The following DLX6 variants were observed in gnomAD, a reference collection of about 807,000 sequenced individuals.
DLX6 encodes distal-less homeobox 6.
Under a neutral mutation model 33.5 loss-of-function variants are expected in DLX6, and 4 were observed. The observed-to-expected ratio is 0.12, with a 90% CI of 0.06 to 0.27. The LOEUF (loss-of-function observed/expected upper bound fraction) is 0.27, where lower values mean the gene tolerates loss of function less well. DLX6 is among the 10% of genes least tolerant of loss of function. DLX6 has a pLI of 1.00. For synonymous variants in DLX6, 184 were observed against 164.8 expected, an observed-to-expected ratio of 1.12 and a Z score of -0.89; for missense variants, 382 against 393.3, an observed-to-expected ratio of 0.97 and a Z score of 0.24.
chr7:97,005,627 C>A lies in DLX6; in HGVS notation c.-351C>A, dbSNP rs569684031. ...CGCAGAATCCACCTTAAAATCTCTGCCTTAAACTGCACCAGCCCCCAAAAA... is the reference window on the plus strand; with the variant it reads ...CGCAGAATCCACCTTAAAATCTCTGACTTAAACTGCACCAGCCCCCAAAAA... On this transcript the variant is annotated 5_prime_UTR_variant, in exon 1 of 3. Transcript: ENST00000518156. 6.3e-6 allele frequency: 1 copy of A among 158,632 alleles called. No homozygotes were observed. Among genetic ancestry groups the A allele is most frequent in the African/African-American group, 2.4e-5 (1 of 41,722 alleles). 9.8% of individuals were successfully genotyped at this position (158,632 alleles called of 1,614,324 possible).
In DLX6 at chr7:97,009,900, G is replaced by T; in HGVS notation, c.735G>T (p.Ser245=). 1 of 1,613,946 alleles carries T rather than the reference G, an allele frequency of 6.2e-7. No individual in the cohort carries two copies. The highest frequency in any genetic ancestry group is 8.5e-7 in the Non-Finnish European group (1 of 1,179,872). The change falls in exon 3 of 3, where the codon TCG becomes TCT. Residue 245 remains serine, a synonymous_variant. Coordinates refer to ENST00000518156, the MANE Select transcript of DLX6 (RefSeq NM_005222.4). ...SDPLQGSAAL[S]PRSPALPPVW... ...CCCTCCAGGGCTCGGCGGCCCTGTC[G>T]CCACGCTCGCCAGCGCTGCCTCCAG...
chr7:97,009,698 G>T (rs1584157551), intron 2 of DLX6, 98 bp from the exon 3 acceptor site: 2 of 1,520,412 alleles, frequency 1.3e-6, no homozygotes, highest in African/African-American at 2.8e-5. Context: ...TTTGTTTTTT[G>T]TTTTTTTGCT....
Position 97,009,876 on chromosome 7 carries a change from C to T in DLX6, c.711C>T (p.Pro237=). ...KQGSNPHESD[P]LQGSAALSPR... ...GCAGTAATCCTCATGAGAGCGACCC[C>T]CTCCAGGGCTCGGCGGCCCTGTCGC... The change falls in exon 3 of 3, where the codon CCC becomes CCT. Residue 237 remains proline (P), a synonymous_variant. Transcript: ENST00000518156. The T allele has an allele frequency of 6.2e-7, 1 of 1,613,962 alleles. No homozygotes were observed. Among genetic ancestry groups the T allele is most frequent in the Non-Finnish European group, 8.5e-7 (1 of 1,179,886 alleles).
rs1724941016 is a variant in DLX6 at position 97,010,650 on chromosome 7, G to T, written c.*603G>T. The T allele has an allele frequency of 6.6e-6, 1 of 152,448 alleles. No individual in the cohort carries two copies. The allele number at this position is 152,448 out of a possible 1,614,324, so 9.4% of individuals were successfully genotyped here. ...ACCATTCCCAGACTGACGAGAAAAA[G>T]AAAATTCCTCACATAACAGCCCTTC... On this transcript the variant is annotated 3_prime_UTR_variant, in exon 3 of 3. Transcript: ENST00000518156.
chr7:97,006,070 G>GCAGCAA lies in DLX6; in HGVS notation c.99_104dup (p.Gln43_Gln44dup), dbSNP rs779566808. The GCAGCAA allele has an allele frequency of 1.6e-5, 25 of 1,570,308 alleles. No individual in the cohort carries two copies. The highest frequency in any genetic ancestry group is 8.2e-5 in the African/African-American group (6 of 73,524). ...AGTTCGGGCAGCAGCAGCAGCAGCA[G>GCAGCAA]CAGCAACAGCAGCAGCAGCAGCAGC... is the stretch of plus-strand genomic sequence containing the variant. On this transcript the variant is annotated inframe_insertion, in exon 1 of 3. Coordinates refer to ENST00000518156, the MANE Select transcript of DLX6 (RefSeq NM_005222.4).
chr7:97,009,961 A>G lies in DLX6; in HGVS notation c.796A>G (p.Met266Val). The change falls in exon 3 of 3, where the codon ATG (methionine) becomes GTG (valine). Residue 266 changes from methionine (M) to valine (V), a missense_variant. Physicochemically the swap from Met to Val is conservative, Grantham distance 21. Transcript: ENST00000518156. ...TTCTGCCTCGGCCAAGGGTGTCAGT[A>G]TGCCCCCCAACAGCTACATGCCTGG... ...DVSASAKGVS[M>V]PPNSYMPGYS... 3 of 1,613,660 alleles carry G rather than the reference A, an allele frequency of 1.9e-6. No homozygotes were observed. The highest frequency in any genetic ancestry group is 2.2e-5 in the East Asian group (1 of 44,856).
chr7:97,007,300 G>A, intron 1 of DLX6: 3 of 580,086 alleles, frequency 5.2e-6, no homozygotes, highest in Non-Finnish European at 9.2e-6. Flanking sequence ...CAGGGGCCCC[G>A]CTCCGCCCGG....
At chr7:97,007,543 G>C in intron 1 of DLX6, 95 bp from the exon 2 acceptor site, 1 of 1,195,360 alleles carries the variant, frequency 8.4e-7, no homozygotes, top group Non-Finnish European at 1.2e-6. Context: ...ACCCTTATTG[G>C]GCTTTGGGGA....
rs867192304 is a variant in DLX6 at position 97,006,051 on chromosome 7, GGCAGCAGCAGCAGCAGCAGCAGCAACA to G, written c.96_122del (p.Gln36_Gln44del). 149 of 1,582,118 alleles carry G rather than the reference GGCAGCAGCAGCAGCAGCAGCAGCAACA, an allele frequency of 9.4e-5. No individual in the cohort carries two copies. The highest frequency in any genetic ancestry group is 3.9e-4 in the East Asian group (17 of 43,278). On this transcript the variant is annotated inframe_deletion, in exon 1 of 3. Coordinates refer to ENST00000518156, the MANE Select transcript of DLX6 (RefSeq NM_005222.4). ...TCCAAATCCGCCTTCATGGAGTTCG[GGCAGCAGCAGCAGCAGCAGCAGCAACA>G]GCAGCAGCAGCAGCAGCAGCAACAG...
Position 97,006,223 on chromosome 7 carries a change from G to A in DLX6, c.246G>A (p.Ala82=), listed in dbSNP as rs943684146. ...TGCACTCGGCGGCGGCGGCGGCAGC[G>A]GCCGGCTCGCACCACCACCACCACC... ...HCLHSAAAAA[A]AGSHHHHHHQ... is the part of the protein sequence containing the mutation. Residue 82 remains alanine (A), a synonymous_variant, in exon 1 of 3, where the codon GCG becomes GCA. Transcript: ENST00000518156. 2.6e-6 allele frequency: 4 copies of A among 1,511,352 alleles called. No homozygotes were observed. Among genetic ancestry groups the A allele is most frequent in the Admixed American group, 4.2e-5 (2 of 47,518 alleles). 93.6% of individuals were successfully genotyped at this position (1,511,352 alleles called of 1,614,324 possible).
chr7:97,006,884 G>A (rs1789748027), intron 1 of DLX6: 2 of 152,556 alleles, frequency 1.3e-5, no homozygotes, highest in Admixed American at 1.3e-4. Context: ...GTGACTCGGA[G>A]GGAAGCTGGC....
At position 97,006,394 on chromosome 7, in the gene DLX6, G is replaced by A. The variant is rs761810925; in HGVS notation, c.417G>A (p.Gln139=). 5 of 1,418,622 alleles carry A rather than the reference G, an allele frequency of 3.5e-6. No homozygotes were observed. The highest frequency in any genetic ancestry group is 2.3e-5 in the Admixed American group (1 of 43,198). 87.9% of individuals were successfully genotyped at this position (1,418,622 alleles called of 1,614,324 possible). A position where few individuals can be genotyped will look rare whatever the true frequency, so the allele number is the denominator to read the frequency against. The change falls in exon 1 of 3, where the codon CAG becomes CAA. Residue 139 remains glutamine (Q), a synonymous_variant. Transcript: ENST00000518156. The part of the protein sequence containing the change: ...QSYHNSSAAA[Q]TRGDDTDQQK... ...ACCACAACAGCAGCGCAGCCGCCCA[G>A]ACGCGAGGGGACGACACAGGTGAGA...
chr7:97,006,468 C>T, intron 1 of DLX6, 55 bp downstream of exon 1: 1 of 1,249,860 alleles, frequency 8.0e-7, no homozygotes, highest in Non-Finnish European at 1.0e-6. Flanking sequence ...CCCCCTACCC[C>T]GCCCGCCCGC....
In DLX6 at chr7:97,006,108, AGCCGCCGCC is replaced by A. The variant is rs559903070; in HGVS notation, c.152_160del (p.Pro51_Pro53del). 14,607 of 1,502,022 alleles carry A rather than the reference AGCCGCCGCC, an allele frequency of 9.7e-3. 82 individuals are homozygous for A. Among genetic ancestry groups the A allele is most frequent in the Non-Finnish European group, 0.01 (11,341 of 1,109,470 alleles). The allele number at this position is 1,502,022 out of a possible 1,614,324, so 93.0% of individuals were successfully genotyped here. A position where few individuals can be genotyped will look rare whatever the true frequency, so the allele number is the denominator to read the frequency against. Reference sequence around the variant, plus strand: ...CAGCAGCAGCAGCAGCAACAGCAACAGCCGCCGCCGCCGCCGCCGCCGCCGCCGCAGCCG... The same window carrying A: ...CAGCAGCAGCAGCAGCAACAGCAACAGCCGCCGCCGCCGCCGCCGCAGCCG... On this transcript the variant is annotated inframe_deletion, in exon 1 of 3. Transcript: ENST00000518156.
Position 97,006,180 on chromosome 7 carries a change from A to G in DLX6, c.203A>G (p.His68Arg). Reference sequence around the variant, plus strand: ...AGCTCCCCGGCCATGGCAGGCGCGCACTACCCTCTGCACTGCCTGCACTCG... The same window carrying G: ...AGCTCCCCGGCCATGGCAGGCGCGCGCTACCCTCTGCACTGCCTGCACTCG... Reference protein sequence around the residue: ...QQSSPAMAGAHYPLHCLHSAA... With the variant: ...QQSSPAMAGARYPLHCLHSAA... The change falls in exon 1 of 3, where the codon CAC (histidine) becomes CGC (arginine). Residue 68 changes from histidine (H) to arginine (R), a missense_variant. Transcript: ENST00000518156. The G allele has an allele frequency of 1.3e-6, 2 of 1,542,110 alleles. No homozygotes were observed. The highest frequency in any genetic ancestry group is 8.8e-7 in the Non-Finnish European group (1 of 1,140,372).
In DLX6 at chr7:97,006,433, G is replaced by A. The variant is rs754111510; in HGVS notation, c.436+20G>A. 5.4e-6 allele frequency: 7 copies of A among 1,297,056 alleles called. No homozygotes were observed. The South Asian group carries it at 1.7e-4, about 31-fold the overall frequency. 80.3% of individuals were successfully genotyped at this position (1,297,056 alleles called of 1,614,324 possible). A position where few individuals can be genotyped will look rare whatever the true frequency, so the allele number is the denominator to read the frequency against. On this transcript the variant is annotated intron_variant, in intron 1 of 2. Transcript: ENST00000518156. ...ACACAGGTGAGAGGCCGCTGGGGCA[G>A]CTCGCTTCTCCCGCCTCCCGACTGC...
intron 2 of DLX6, among the ~76,000 whole-genome samples, chr7:97,008,276 A>C (rs138088070): frequency 3.3e-5 from 5 of 152,346 alleles, no homozygotes; most frequent in African/African-American, 1.2e-4. Context: ...TTGTGAAATG[A>C]ACTAAGAAAA....
Position 97,010,447 on chromosome 7 carries a change from G to A in DLX6, c.*400G>A. On this transcript the variant is annotated 3_prime_UTR_variant, in exon 3 of 3. Transcript: ENST00000518156. ...TAAGGATATTTTCTCTTACCCCTTGGGATCCAGGCTCTGAGTCTCTTCTCT... is the reference window on the plus strand; with the variant it reads ...TAAGGATATTTTCTCTTACCCCTTGAGATCCAGGCTCTGAGTCTCTTCTCT... 1 of 165,372 alleles carries A rather than the reference G, an allele frequency of 6.0e-6. No homozygotes were observed. The highest frequency in any genetic ancestry group is 1.3e-5 in the Non-Finnish European group (1 of 76,614). 10.2% of individuals were successfully genotyped at this position (165,372 alleles called of 1,614,324 possible).
In DLX6 at chr7:97,009,968, C is replaced by T. The variant is rs536599566; in HGVS notation, c.803C>T (p.Pro268Leu). Residue 268 changes from proline to leucine, a missense_variant, in exon 3 of 3, where the codon CCC (proline) becomes CTC (leucine). By Grantham distance (98) the Pro-to-Leu change is moderately conservative. Around this residue, in one of 4 missense-constraint regions of DLX6, gnomAD observed 96 missense variants for 93.3 expected, o/e 1.03. Transcript: ENST00000518156. ...SASAKGVSMP[P>L]NSYMPGYSHW... The stretch of plus-strand genomic sequence containing the variant: ...TCGGCCAAGGGTGTCAGTATGCCCC[C>T]CAACAGCTACATGCCTGGCTATTCT... 3.1e-6 allele frequency: 5 copies of T among 1,613,406 alleles called. No homozygotes were observed. Among genetic ancestry groups the T allele is most frequent in the Non-Finnish European group, 4.2e-6 (5 of 1,179,638 alleles).
Sources: gnomAD v4.1 joint callset for allele counts (sites outside exome capture counted in the v4.1 genomes callset) on GRCh38, gnomAD v4.1.1 for gene constraint, gnomAD v4.1.1 regional missense constraint, MANE v1.5 for transcripts, NCBI Gene and HGNC (gene_info 2026-07-23, HGNC 2026-07-21) for gene names.